The following IGF2R variants were observed in gnomAD, a reference collection of about 807,000 sequenced individuals.
The protein encoded by IGF2R is insulin like growth factor 2 receptor.
A neutral mutation model predicts 270.6 loss-of-function variants in IGF2R; 91 were observed. That is an observed-to-expected ratio of 0.34 (90% confidence interval 0.28 to 0.40). The LOEUF is 0.40. Ranked by LOEUF, IGF2R falls within the 10% of genes least tolerant of loss-of-function variation. The probability of loss-of-function intolerance (pLI) is 1.00; values close to 1 mark genes in which losing one functional copy is unlikely to be tolerated. For synonymous variants in IGF2R, 1,316 were observed against 1,258.9 expected (o/e 1.05, Z -0.96); for missense variants, 2,805 against 3,188.3 (o/e 0.88, Z 2.90).
intron 46 of IGF2R, among the ~76,000 whole-genome samples, chr6:160,103,226 G>A (rs923289469): frequency 6.6e-6 from 1 of 151,796 alleles, no homozygotes; most frequent in South Asian, 2.1e-4. Flanking sequence ...AGGCCAATGA[G>A]AGAGGTGGTC....
Position 160,073,253 on chromosome 6 carries a change from C to T in IGF2R, c.4731C>T (p.Ala1577=). ...FGQTRISVGK[A]NKRLRYVDQV... is the part of the protein sequence containing the mutation. ...AGACCAGGATTAGCGTGGGCAAGGC[C>T]AACAAGAGGCTGAGATACGTGGACC... The change falls in exon 34 of 48, where the codon GCC becomes GCT. Residue 1577 remains alanine (A), a synonymous_variant. Coordinates refer to ENST00000356956, the MANE Select transcript of IGF2R (RefSeq NM_000876.4). 6.2e-7 allele frequency: 1 copy of T among 1,614,238 alleles called. No homozygotes were observed. The highest frequency in any genetic ancestry group is 8.5e-7 in the Non-Finnish European group (1 of 1,180,042).
At chr6:160,038,547 T>C (rs1777874537) in intron 10 of IGF2R, among the ~76,000 whole-genome samples, 1 of 152,252 alleles carries the variant, frequency 6.6e-6, no homozygotes, top group South Asian at 2.1e-4. Context: ...TACACGTTTT[T>C]CTTCACGTTT....
intron 19 of IGF2R, among the ~76,000 whole-genome samples, chr6:160,051,718 G>A (rs1778200719): frequency 6.6e-6 from 1 of 152,124 alleles, no homozygotes; most frequent in Admixed American, 6.5e-5. Flanking sequence ...ACTGTGGAAG[G>A]CCAACATGGG....
chr6:160,069,958 ATGG>A lies in IGF2R; in HGVS notation c.4344_4346del (p.Gly1449del), dbSNP rs1778678528. On this transcript the variant is annotated inframe_deletion, in exon 31 of 48. Transcript: ENST00000356956. ...GTAAGGGACGGACCTCAGTGGAGAG[ATGG>A]CATAATTGTCCTGAAATACGTTGAT... The A allele has an allele frequency of 6.2e-7, 1 of 1,614,190 alleles. No homozygotes were observed. Among genetic ancestry groups the A allele is most frequent in the East Asian group, 2.2e-5 (1 of 44,884 alleles).
intron 39 of IGF2R, among the ~76,000 whole-genome samples, chr6:160,082,493 G>T (rs1048090697): frequency 6.6e-6 from 1 of 152,034 alleles, no homozygotes; most frequent in East Asian, 1.9e-4. Flanking sequence ...TGTATTTTTG[G>T]TAGAGATGGG....
At chr6:159,984,672 G>T (rs180858366) in intron 1 of IGF2R, among the ~76,000 whole-genome samples, 105 of 152,318 alleles carry the variant, frequency 6.9e-4, no homozygotes, top group Non-Finnish European at 1.2e-3. Context: ...CCATCTATGT[G>T]TGTGCAGATA....
intron 19 of IGF2R, among the ~76,000 whole-genome samples, chr6:160,054,357 A>T (rs1191124770): frequency 6.6e-6 from 1 of 152,168 alleles, no homozygotes; most frequent in Non-Finnish European, 1.5e-5. Context: ...TGGGCCCTGT[A>T]TGTCGAAAGG....
chr6:160,101,667 C>T lies in IGF2R; in HGVS notation c.6843-852C>T, dbSNP rs1028553573. Among the ~76,000 whole-genome samples the T allele has an allele frequency of 4.6e-5, 7 of 152,356 alleles. No individual in the cohort carries two copies. In the South Asian group the frequency reaches 8.3e-4, roughly 18 times the overall value. ...AGGAGGAATTTCTGTTTATGTGATC[C>T]TGTTCCTGTGTGTGTGGCCCCAAGT... On this transcript the variant is annotated intron_variant, in intron 45 of 47. Coordinates refer to ENST00000356956, the MANE Select transcript of IGF2R (RefSeq NM_000876.4).
rs145840961 is a variant in IGF2R at position 159,989,225 on chromosome 6, G to A, written c.150-1959G>A. 2.0e-3 allele frequency among the ~76,000 whole-genome samples: 309 copies of A among 152,292 alleles called. 2 individuals are homozygous for A. Among genetic ancestry groups the A allele is most frequent in the African/African-American group, 6.2e-3 (259 of 41,542 alleles). ...GTTTGATGGGTTCCCAGACCTAGGAGTTCTTGGCGCCTCGTCTTCCAGTGA... is the reference window on the plus strand; with the variant it reads ...GTTTGATGGGTTCCCAGACCTAGGAATTCTTGGCGCCTCGTCTTCCAGTGA... On this transcript the variant is annotated intron_variant, in intron 1 of 47. Transcript: ENST00000356956.
At chr6:160,096,692 T>C in intron 45 of IGF2R, 67 bp downstream of exon 45, 1 of 1,275,902 alleles carries the variant, frequency 7.8e-7, no homozygotes, top group South Asian at 1.6e-5. Flanking sequence ...AGTGTATGTG[T>C]GTTTTTTCCC....
At chr6:160,029,267 A>C (rs9295121) in intron 6 of IGF2R, among the ~76,000 whole-genome samples, 7 of 152,146 alleles carry the variant, frequency 4.6e-5, no homozygotes, top group Admixed American at 3.9e-4. Context: ...GGCGTGAGCC[A>C]TCGCACCCAG....
At chr6:160,075,128 G>A (rs897778609) in intron 35 of IGF2R, among the ~76,000 whole-genome samples, 4 of 149,428 alleles carry the variant, frequency 2.7e-5, no homozygotes, top group Non-Finnish European at 3.0e-5. Flanking sequence ...GCACACACAC[G>A]TGCATGCACA....
Position 160,056,412 on chromosome 6 carries a change from T to A in IGF2R, c.2695-12T>A. 6.3e-7 allele frequency: 1 copy of A among 1,581,580 alleles called. No homozygotes were observed. The highest frequency in any genetic ancestry group is 8.7e-7 in the Non-Finnish European group (1 of 1,150,276). On this transcript the variant is annotated splice_polypyrimidine_tract_variant and intron_variant, in intron 19 of 47. Coordinates refer to ENST00000356956, the MANE Select transcript of IGF2R (RefSeq NM_000876.4). ...TACTGTATTGACTTTTACCCTGGAT[T>A]TGCCCATTCAGAACAGCCACCCCAT...
rs781431982 is a variant in IGF2R at position 160,029,551 on chromosome 6, C to T, written c.778C>T (p.Leu260Phe). 1.9e-6 allele frequency: 3 copies of T among 1,608,670 alleles called. No homozygotes were observed. The highest frequency in any genetic ancestry group is 2.6e-6 in the Non-Finnish European group (3 of 1,175,064). The change falls in exon 7 of 48, where the codon CTT becomes TTT. Residue 260 changes from leucine to phenylalanine, a missense_variant and splice_region_variant. Leu to Phe is a conservative substitution (Grantham distance 22, BLOSUM62 0). This residue lies in a region of IGF2R where 954 missense variants were observed against 981.1 expected (regional missense o/e 0.97). Transcript: ENST00000356956. ...DGLKLVRKDR[L>F]VLSYVREEAG... ...CTTTTCTCAATGTGGCTCTCCCAGG[C>T]TTGTCCTGAGTTACGTGAGGGAAGA...
chr6:160,105,672 T>C lies in IGF2R; in HGVS notation c.*588T>C, dbSNP rs1779599454. ...GAGCTCATTCTGTCTCTTTTCTCTT[T>C]TGCTTTCTGTTTCTTAAGGGCACAC... is the stretch of plus-strand genomic sequence containing the variant. On this transcript the variant is annotated 3_prime_UTR_variant, in exon 48 of 48. Transcript: ENST00000356956. 3.3e-5 allele frequency: 5 copies of C among 152,888 alleles called. No homozygotes were observed. The highest frequency in any genetic ancestry group is 3.3e-4 in the Admixed American group (5 of 15,294). The allele number at this position is 152,888 out of a possible 1,614,324, so 9.5% of individuals were successfully genotyped here. A position where few individuals can be genotyped will look rare whatever the true frequency, so the allele number is the denominator to read the frequency against.
chr6:159,997,218 C>CT (rs1336424345), intron 2 of IGF2R, among the ~76,000 whole-genome samples: 3 of 152,190 alleles, frequency 2.0e-5, no homozygotes, highest in African/African-American at 4.8e-5. Context: ...ATGCTGTACT[C>CT]TTTCTTCCCT....
chr6:159,975,411 A>G (rs1347719055), intron 1 of IGF2R, among the ~76,000 whole-genome samples: 1 of 152,084 alleles, frequency 6.6e-6, no homozygotes, highest in African/African-American at 2.4e-5. Context: ...AAGCTCCCCC[A>G]ACCCAGTTTT....
intron 23 of IGF2R, 33 bp from the exon 24 acceptor site, chr6:160,061,470 A>G: frequency 6.2e-7 from 1 of 1,609,362 alleles, no homozygotes; most frequent in South Asian, 1.1e-5. Context: ...AAGGAGGCAG[A>G]GTTCTCCAGC....
chr6:160,040,719 A>G lies in IGF2R; in HGVS notation c.1475A>G (p.His492Arg). 1 of 1,613,184 alleles carries G rather than the reference A, an allele frequency of 6.2e-7. No homozygotes were observed. Among genetic ancestry groups the G allele is most frequent in the Non-Finnish European group, 8.5e-7 (1 of 1,179,434 alleles). The change falls in exon 11 of 48, where the codon CAT becomes CGT. Residue 492 changes from histidine to arginine, a missense_variant. His to Arg is a conservative substitution (Grantham distance 29). This residue lies in a region of IGF2R where 954 missense variants were observed against 981.1 expected (regional missense o/e 0.97). Transcript: ENST00000356956. ...KRYDLSALVR[H>R]AEPEQNWEAV... The stretch of plus-strand genomic sequence containing the variant: ...TATGACCTGTCCGCGCTGGTCCGCC[A>G]TGCAGGTACTGCCCTCCTTGCCATG...
Sources: allele counts gnomAD v4.1 joint callset (sites outside exome capture counted in the v4.1 genomes callset), GRCh38; gene constraint gnomAD v4.1.1; regional missense constraint gnomAD v4.1.1; transcripts MANE v1.5; gene names NCBI Gene and HGNC (gene_info 2026-07-23, HGNC 2026-07-21).